The following TAS2R1 variants were observed in gnomAD, a reference collection of about 807,000 sequenced individuals.
TAS2R1 encodes the protein taste 2 receptor member 1.
For missense variants in TAS2R1, 370 were observed against 353.4 expected (o/e 1.05, Z -0.38); for synonymous variants, 141 against 134.2 (o/e 1.05, Z -0.35).
the TAS2R1 span, among the ~76,000 whole-genome samples, chr5:9,834,390 A>T: frequency 6.6e-6 from 1 of 152,208 alleles, no homozygotes; most frequent in Non-Finnish European, 1.5e-5. Flanking sequence ...CACAAAAAGA[A>T]ACTCAATAAA....
chr5:9,697,153 A>G (rs1741377769), intron 1 of TAS2R1, among the ~76,000 whole-genome samples: 1 of 152,184 alleles, frequency 6.6e-6, no homozygotes, highest in South Asian at 2.1e-4. Context: ...AATTTGAACT[A>G]AATCTGAAAG....
chr5:9,768,851 T>C, the TAS2R1 span, among the ~76,000 whole-genome samples: 1 of 152,226 alleles, frequency 6.6e-6, no homozygotes, highest in Non-Finnish European at 1.5e-5. Context: ...AGGCATACAA[T>C]GCATAATAAG....
the TAS2R1 span, among the ~76,000 whole-genome samples, chr5:9,735,562 A>G: frequency 7.6e-3 from 1,129 of 149,070 alleles, 18 homozygotes; most frequent in African/African-American, 0.026. Context: ...TGGTGCCTTC[A>G]TTTTAACCTC....
chr5:9,654,012 G>A (rs1740359365), intron 2 of TAS2R1, among the ~76,000 whole-genome samples: 1 of 152,146 alleles, frequency 6.6e-6, no homozygotes, highest in Admixed American at 6.5e-5. Context: ...GGCTGAGTCA[G>A]ACAGCTCAGC....
chr5:9,640,964 C>T (rs1740070398), intron 2 of TAS2R1, among the ~76,000 whole-genome samples: 1 of 152,162 alleles, frequency 6.6e-6, no homozygotes. Flanking sequence ...TCCCTGTTTG[C>T]TGTCATATTG....
the TAS2R1 span, among the ~76,000 whole-genome samples, chr5:9,825,221 T>C: frequency 6.6e-6 from 1 of 152,210 alleles, no homozygotes; most frequent in Non-Finnish European, 1.5e-5. Context: ...TACCTGAGAC[T>C]GCATAATTTA....
chr5:9,824,844 GA>G, the TAS2R1 span, among the ~76,000 whole-genome samples: 9,124 of 132,654 alleles, frequency 0.069, 737 homozygotes, highest in East Asian at 0.25. Flanking sequence ...TGAAAACTCT[GA>G]AAAAAAAAAA....
chr5:9,708,341 A>G (rs966064683), intron 1 of TAS2R1, among the ~76,000 whole-genome samples: 1 of 152,226 alleles, frequency 6.6e-6, no homozygotes, highest in African/African-American at 2.4e-5. Context: ...AATTTTGTTC[A>G]CTTAATTTTC....
chr5:9,863,257 C>T, the TAS2R1 span: 2 of 150,786 alleles, frequency 1.3e-5, no homozygotes, highest in African/African-American at 5.0e-5. Context: ...GCGGCTGAGA[C>T]CCAAAGATTT....
chr5:9,635,155 AG>A (rs1179827557), upstream of TAS2R1, among the ~76,000 whole-genome samples: 1 of 152,126 alleles, frequency 6.6e-6, no homozygotes, highest in Non-Finnish European at 1.5e-5. Context: ...TTAATCATAA[AG>A]GGATGCTGGA....
At chr5:9,830,901 A>AT in the TAS2R1 span, among the ~76,000 whole-genome samples, 2 of 152,148 alleles carry the variant, frequency 1.3e-5, no homozygotes, top group East Asian at 3.9e-4. Flanking sequence ...AAGCTGTGGC[A>AT]TTTTTCCTGA....
At chr5:9,823,034 A>C in the TAS2R1 span, among the ~76,000 whole-genome samples, 1 of 152,036 alleles carries the variant, frequency 6.6e-6, no homozygotes, top group African/African-American at 2.4e-5. Context: ...AAAAAAAAAA[A>C]AAAAAATCTT....
the TAS2R1 span, among the ~76,000 whole-genome samples, chr5:9,796,649 G>A: frequency 3.4e-4 from 48 of 139,456 alleles, no homozygotes; most frequent in South Asian, 2.8e-3. Context: ...AGAGTGGCCT[G>A]AAAGTCCTTT....
chr5:9,838,553 A>C, the TAS2R1 span, among the ~76,000 whole-genome samples: 1 of 152,218 alleles, frequency 6.6e-6, no homozygotes, highest in Non-Finnish European at 1.5e-5. Flanking sequence ...CTCAAGGTAC[A>C]GCTTTCTGTT....
At chr5:9,717,614 A>G in the TAS2R1 span, among the ~76,000 whole-genome samples, 7 of 152,330 alleles carry the variant, frequency 4.6e-5, no homozygotes, top group East Asian at 1.4e-3. Context: ...TAGACTTCCC[A>G]CAATTAAAAC....
At chr5:9,656,895 T>C (rs1053741225) in intron 2 of TAS2R1, among the ~76,000 whole-genome samples, 1 of 152,228 alleles carries the variant, frequency 6.6e-6, no homozygotes, top group East Asian at 1.9e-4. Context: ...CATCTCTTTG[T>C]TCATTGGTTG....
At chr5:9,752,029 T>A in the TAS2R1 span, among the ~76,000 whole-genome samples, 1 of 152,198 alleles carries the variant, frequency 6.6e-6, no homozygotes, top group Non-Finnish European at 1.5e-5. Flanking sequence ...GTCATTAGAC[T>A]GTAGTTGATG....
At chr5:9,894,282 T>C in the TAS2R1 span, among the ~76,000 whole-genome samples, 1 of 152,064 alleles carries the variant, frequency 6.6e-6, no homozygotes, top group African/African-American at 2.4e-5. Flanking sequence ...TGTGTGCCTG[T>C]AATCCCAGCT....
intron 1 of TAS2R1, among the ~76,000 whole-genome samples, chr5:9,664,229 A>T (rs532097581): frequency 1.6e-4 from 25 of 152,220 alleles, no homozygotes; most frequent in African/African-American, 6.0e-4. Context: ...AATTAACACT[A>T]TCTAGAATTC....
Sources: allele counts gnomAD v4.1 joint callset (sites outside exome capture counted in the v4.1 genomes callset), GRCh38; gene constraint gnomAD v4.1.1; transcripts MANE v1.5; gene names NCBI Gene and HGNC (gene_info 2026-07-23, HGNC 2026-07-21).